ZPLD1: variants seen among roughly 807,000 people sequenced by gnomAD.
ZPLD1 encodes the protein zona pellucida like domain containing 1.
Under a neutral mutation model 47.2 loss-of-function variants are expected in ZPLD1, and 34 were observed. That is an observed-to-expected ratio of 0.72 (90% CI 0.55 to 0.96). ZPLD1 has a LOEUF of 0.96. ZPLD1 is among the 40% of genes least tolerant of loss of function. The pLI, the probability that ZPLD1 is intolerant of heterozygous loss-of-function variation, is 0.00. For missense variants in ZPLD1, 512 were observed against 505.8 expected (o/e 1.01, Z -0.12); for synonymous variants, 176 against 186.2 (o/e 0.95, Z 0.45).
At chr3:102,426,385 G>A (rs1706948156) in intron 8 of ZPLD1, among the ~76,000 whole-genome samples, 1 of 152,022 alleles carries the variant, frequency 6.6e-6, no homozygotes, top group African/African-American at 2.4e-5. Flanking sequence ...AGGTGTGGTG[G>A]TGCATGCCTA....
chr3:102,428,745 G>C (rs1191204648), intron 8 of ZPLD1, among the ~76,000 whole-genome samples: 1 of 150,528 alleles, frequency 6.6e-6, no homozygotes, highest in Non-Finnish European at 1.5e-5. Flanking sequence ...ATATATGTGT[G>C]TGTGTATATA....
chr3:102,405,601 A>C (rs1340891131), intron 7 of ZPLD1, among the ~76,000 whole-genome samples: 1 of 152,034 alleles, frequency 6.6e-6, no homozygotes, highest in Non-Finnish European at 1.5e-5. Context: ...GTTAAATGAG[A>C]CCATCAAAGT....
chr3:102,452,522 AT>A (rs934966872), intron 3 of ZPLD1, among the ~76,000 whole-genome samples: 1 of 152,116 alleles, frequency 6.6e-6, no homozygotes, highest in African/African-American at 2.4e-5. Flanking sequence ...AAAATGCATC[AT>A]TTGTAGTGAT....
intron 6 of ZPLD1, among the ~76,000 whole-genome samples, chr3:102,460,470 T>C (rs1338036646): frequency 6.6e-6 from 1 of 152,028 alleles, no homozygotes; most frequent in Non-Finnish European, 1.5e-5. Flanking sequence ...TTGTGCAATA[T>C]AAATATGTCA....
At chr3:102,426,618 A>G (rs527663621) in intron 8 of ZPLD1, among the ~76,000 whole-genome samples, 167 of 152,124 alleles carry the variant, frequency 1.1e-3, no homozygotes, top group African/African-American at 3.8e-3. Context: ...TCATTTGTCT[A>G]TGAGTAATTT....
At chr3:102,389,284 A>G (rs766846467) in intron 6 of ZPLD1, among the ~76,000 whole-genome samples, 1 of 152,248 alleles carries the variant, frequency 6.6e-6, no homozygotes, top group African/African-American at 2.4e-5. Context: ...AAAAAGATCA[A>G]CACATATGGT....
chr3:102,391,224 G>A (rs1310856602), intron 6 of ZPLD1, among the ~76,000 whole-genome samples: 1 of 152,098 alleles, frequency 6.6e-6, no homozygotes, highest in African/African-American at 2.4e-5. Flanking sequence ...TATTTAAAAA[G>A]ATTCTCTAAG....
At chr3:102,431,882 C>T (rs1428314852), upstream of ZPLD1, among the ~76,000 whole-genome samples, 5 of 152,196 alleles carry the variant, frequency 3.3e-5, no homozygotes, top group African/African-American at 1.2e-4. Context: ...GCACTCCAGC[C>T]TGGGTGACAA....
At chr3:102,420,709 TC>T (rs74733967) in intron 8 of ZPLD1, among the ~76,000 whole-genome samples, 16,787 of 151,780 alleles carry the variant, frequency 0.11, 1,171 homozygotes, top group Middle Eastern at 0.18. Context: ...AGTTTACCAA[TC>T]CCTTGGTTTA....
chr3:102,392,797 T>C (rs996496893), intron 7 of ZPLD1, among the ~76,000 whole-genome samples: 6 of 152,130 alleles, frequency 3.9e-5, no homozygotes, highest in Non-Finnish European at 7.4e-5. Flanking sequence ...ATTCAAACCG[T>C]AGCAACCAAA....
chr3:102,457,070 T>G (rs902698048), intron 5 of ZPLD1, among the ~76,000 whole-genome samples: 1 of 152,232 alleles, frequency 6.6e-6, no homozygotes, highest in Non-Finnish European at 1.5e-5. Flanking sequence ...AATGGGATGA[T>G]TAAGCGAACG....
chr3:102,428,052 A>G (rs1706970897), intron 8 of ZPLD1, among the ~76,000 whole-genome samples: 1 of 152,212 alleles, frequency 6.6e-6, no homozygotes, highest in South Asian at 2.1e-4. Flanking sequence ...AAGTCACATC[A>G]AACTGGCATT....
Position 102,461,118 on chromosome 3 carries a change from A to G in ZPLD1, c.583-1163A>G, listed in dbSNP as rs539814897. 3.3e-5 allele frequency among the ~76,000 whole-genome samples: 5 copies of G among 152,142 alleles called. No individual in the cohort carries two copies. In the South Asian group the frequency reaches 1.0e-3, roughly 31 times the overall value. ...AGCATCCCAACTATTACTGTCTTAAATTATAAAATTCAAAATATTTTGCTT... is the reference window on the plus strand; with the variant it reads ...AGCATCCCAACTATTACTGTCTTAAGTTATAAAATTCAAAATATTTTGCTT... On this transcript the variant is annotated intron_variant, in intron 6 of 11. Transcript: ENST00000466937.
chr3:102,465,360 G>T (rs1707574529), intron 8 of ZPLD1, among the ~76,000 whole-genome samples: 1 of 151,988 alleles, frequency 6.6e-6, no homozygotes, highest in Non-Finnish European at 1.5e-5. Context: ...AAAAATGGTT[G>T]GCTTTCTCCT....
intron 6 of ZPLD1, among the ~76,000 whole-genome samples, chr3:102,461,005 A>AAGAGTATCAG (rs759606695): frequency 9.1e-4 from 139 of 152,078 alleles, no homozygotes; most frequent in Admixed American, 2.6e-3. Context: ...CAAAAGACTG[A>AAGAGTATCAG]AGAGTATCAG....
intron 8 of ZPLD1, among the ~76,000 whole-genome samples, chr3:102,429,638 C>T (rs7651247): frequency 6.6e-5 from 10 of 151,870 alleles, no homozygotes; most frequent in African/African-American, 1.5e-4. Context: ...AACTTTCTTG[C>T]GATTGATAAT....
At chr3:102,474,215 T>C (rs1707725061) in intron 10 of ZPLD1, among the ~76,000 whole-genome samples, 1 of 152,130 alleles carries the variant, frequency 6.6e-6, no homozygotes, top group South Asian at 2.1e-4. Flanking sequence ...ATGCTGAAAG[T>C]GCTTGGATAG....
intron 6 of ZPLD1, among the ~76,000 whole-genome samples, chr3:102,462,014 A>T (rs909953631): frequency 2.6e-5 from 4 of 152,074 alleles, no homozygotes; most frequent in African/African-American, 9.6e-5. Flanking sequence ...ACCACTGAAT[A>T]TAATTTAGAT....
At chr3:102,432,816 G>A (rs149350310), upstream of ZPLD1, among the ~76,000 whole-genome samples, 1 of 152,144 alleles carries the variant, frequency 6.6e-6, no homozygotes, top group East Asian at 1.9e-4. Flanking sequence ...AAGCAAGTGA[G>A]GTATACATTA....
Sources: allele counts gnomAD v4.1 joint callset (sites outside exome capture counted in the v4.1 genomes callset), GRCh38; gene constraint gnomAD v4.1.1; transcripts MANE v1.5; gene names NCBI Gene and HGNC (gene_info 2026-07-23, HGNC 2026-07-21).